Variants in KAT2B observed in about 807,000 individuals in gnomAD.
The protein encoded by KAT2B is lysine acetyltransferase 2B.
KAT2B carries 36 observed loss-of-function variants against 105.9 expected under a neutral mutation model. The ratio of observed to expected loss-of-function variants is 0.34; its 90% CI spans 0.26 to 0.45. KAT2B has a LOEUF of 0.45. KAT2B is among the 20% of genes least tolerant of loss of function. KAT2B has a pLI of 1.00. For synonymous variants in KAT2B, 397 were observed against 377.9 expected (o/e 1.05, Z -0.59); for missense variants, 820 against 1,021.6 (o/e 0.80, Z 2.69).
In KAT2B at chr3:20,081,878, C is replaced by CATATATATATATATATATATATATAT. The variant is rs139743528; in HGVS notation, c.430+9431_430+9432insATATATATATATATATATATATATAT. 4.6e-3 allele frequency among the ~76,000 whole-genome samples: 645 copies of CATATATATATATATATATATATATAT among 140,340 alleles called. 10 individuals are homozygous for CATATATATATATATATATATATATAT. The highest frequency in any genetic ancestry group is 0.014 in the African/African-American group (478 of 35,046). 92.1% of individuals were successfully genotyped at this position (140,340 alleles called of 152,430 possible). A position where few individuals can be genotyped will look rare whatever the true frequency, so the allele number is the denominator to read the frequency against. On this transcript the variant is annotated intron_variant, in intron 2 of 17. Transcript: ENST00000263754. ...TTTATTTTATTTGCTGTCATTGGCT[C>CATATATATATATATATATATATATAT]ATATATATATATGTATAAATGTATA...
chr3:20,060,817 T>C (rs1490688977), intron 1 of KAT2B, among the ~76,000 whole-genome samples: 1 of 152,082 alleles, frequency 6.6e-6, no homozygotes, highest in African/African-American at 2.4e-5. Flanking sequence ...TAGAGGTACA[T>C]GCCTGTGGTC....
chr3:20,127,794 C>G (rs1234801566), intron 11 of KAT2B, among the ~76,000 whole-genome samples: 1 of 152,176 alleles, frequency 6.6e-6, no homozygotes, highest in Non-Finnish European at 1.5e-5. Context: ...GAAACTGTTC[C>G]AGCTCAGATC....
At chr3:20,085,598 C>T (rs1698599489) in intron 2 of KAT2B, among the ~76,000 whole-genome samples, 1 of 151,694 alleles carries the variant, frequency 6.6e-6, no homozygotes, top group East Asian at 1.9e-4. Context: ...GCAGCCTCCA[C>T]CTCCTGGGTT....
intron 12 of KAT2B, among the ~76,000 whole-genome samples, chr3:20,137,921 T>C (rs6803142): frequency 0.062 from 9,421 of 152,286 alleles, 959 homozygotes; most frequent in African/African-American, 0.21. Context: ...GCAGGAGGAT[T>C]GCTGTGCTCA....
At chr3:20,063,586 A>G (rs552997071) in intron 1 of KAT2B, among the ~76,000 whole-genome samples, 3 of 119,122 alleles carry the variant, frequency 2.5e-5, no homozygotes, top group East Asian at 4.8e-4. Context: ...TCTGTTGCCC[A>G]GGCTGGAATG....
At chr3:20,138,296 G>C (rs181790930) in intron 12 of KAT2B, among the ~76,000 whole-genome samples, 3 of 152,080 alleles carry the variant, frequency 2.0e-5, no homozygotes, top group African/African-American at 7.2e-5. Context: ...TTTTCTGTGT[G>C]TATATAAACA....
chr3:20,041,783 T>C (rs62243073), intron 1 of KAT2B, among the ~76,000 whole-genome samples: 59,656 of 152,038 alleles, frequency 0.39, 12,236 homozygotes, highest in African/African-American at 0.44. Flanking sequence ...CTGCCTGCTG[T>C]AAAGAGGGTC....
At chr3:20,100,083 A>T (rs1575133292) in intron 4 of KAT2B, 129 bp downstream of exon 4, 1 of 599,968 alleles carries the variant, frequency 1.7e-6, no homozygotes, top group Non-Finnish European at 3.0e-6. Flanking sequence ...CAGTCTGTGG[A>T]AATTGTCCTG....
At chr3:20,142,880 T>TTTGAGAAAGCGCGAATA (rs1553599524) in intron 13 of KAT2B, among the ~76,000 whole-genome samples, 1 of 149,932 alleles carries the variant, frequency 6.7e-6, no homozygotes, top group Non-Finnish European at 1.5e-5. Flanking sequence ...TGGGTATCTA[T>TTTGAGAAAGCGCGAATA]GTGCCTGTGT....
chr3:20,048,379 G>T (rs1466506685), intron 1 of KAT2B, among the ~76,000 whole-genome samples: 1 of 152,208 alleles, frequency 6.6e-6, no homozygotes, highest in African/African-American at 2.4e-5. Context: ...GTTTTAGGAA[G>T]TGTGTGCTTG....
chr3:20,131,671 A>G (rs896722993), intron 11 of KAT2B, among the ~76,000 whole-genome samples: 1 of 152,132 alleles, frequency 6.6e-6, no homozygotes, highest in African/African-American at 2.4e-5. Context: ...GTGCTCAGGT[A>G]ATCCTCCTAC....
intron 11 of KAT2B, among the ~76,000 whole-genome samples, chr3:20,131,526 A>G (rs1699511347): frequency 6.6e-6 from 1 of 152,174 alleles, no homozygotes; most frequent in South Asian, 2.1e-4. Flanking sequence ...AGCATATATT[A>G]CTGAAGACAG....
At chr3:20,097,178 T>C (rs1053567917) in intron 3 of KAT2B, among the ~76,000 whole-genome samples, 1 of 152,206 alleles carries the variant, frequency 6.6e-6, no homozygotes, top group Non-Finnish European at 1.5e-5. Flanking sequence ...TCTGCCTGAC[T>C]ACAGCTATTA....
intron 5 of KAT2B, among the ~76,000 whole-genome samples, chr3:20,109,911 T>G (rs540958006): frequency 6.6e-6 from 1 of 152,232 alleles, no homozygotes; most frequent in South Asian, 2.1e-4. Flanking sequence ...TAATTTTTAA[T>G]GTAGGCAGAT....
chr3:20,142,988 T>G (rs1699720568), intron 13 of KAT2B, among the ~76,000 whole-genome samples: 1 of 151,260 alleles, frequency 6.6e-6, no homozygotes, highest in African/African-American at 2.4e-5. Context: ...AATCTACATG[T>G]GACAATACAA....
chr3:20,126,658 A>C (rs989204405), intron 10 of KAT2B, among the ~76,000 whole-genome samples: 2 of 151,978 alleles, frequency 1.3e-5, no homozygotes, highest in African/African-American at 4.8e-5. Context: ...CCCCGTCTCT[A>C]CTAAAAATAC....
At chr3:20,055,677 A>G (rs1697992663) in intron 1 of KAT2B, among the ~76,000 whole-genome samples, 1 of 151,936 alleles carries the variant, frequency 6.6e-6, no homozygotes, top group Non-Finnish European at 1.5e-5. Context: ...GAAGGGATAA[A>G]TGGGGGCCAG....
At chr3:20,099,618 C>G (rs1698873012) in intron 3 of KAT2B, among the ~76,000 whole-genome samples, 2 of 152,128 alleles carry the variant, frequency 1.3e-5, no homozygotes. Context: ...GTGTCCATTT[C>G]TTCATAACTC....
chr3:20,145,658 C>G (rs1699773652), intron 13 of KAT2B, among the ~76,000 whole-genome samples: 1 of 146,080 alleles, frequency 6.8e-6, no homozygotes, highest in Non-Finnish European at 1.5e-5. Flanking sequence ...AACAAAACAT[C>G]TCTCAAAATT....
Sources: gnomAD v4.1 joint callset for allele counts (sites outside exome capture counted in the v4.1 genomes callset) on GRCh38, gnomAD v4.1.1 for gene constraint, MANE v1.5 for transcripts, NCBI Gene and HGNC (gene_info 2026-07-23, HGNC 2026-07-21) for gene names.